RPGR: variants seen among roughly 807,000 people sequenced by gnomAD.
RPGR encodes the protein retinitis pigmentosa GTPase regulator.
A neutral mutation model predicts 56.3 loss-of-function variants in RPGR; 10 were observed. The observed-to-expected ratio is 0.18, with a 90% CI of 0.11 to 0.30. RPGR has a LOEUF of 0.30. Ranked by LOEUF, RPGR falls within the 10% of genes least tolerant of loss-of-function variation. RPGR has a pLI of 1.00. For missense variants in RPGR, 538 were observed against 590.9 expected (o/e 0.91, Z 0.93); for synonymous variants, 197 against 212.9 (o/e 0.93, Z 0.65).
chrX:38,294,858 C>T (rs1261514020), intron 11 of RPGR, among the ~76,000 whole-genome samples: 1 of 111,865 alleles, frequency 8.9e-6, no homozygotes, highest in Non-Finnish European at 1.9e-5. Context: ...TTTTCTCCAT[C>T]TCCACTGCAA....
intron 7 of RPGR, among the ~76,000 whole-genome samples, chrX:38,305,897 C>T (rs1303544431): frequency 1.8e-5 from 2 of 111,638 alleles, no homozygotes; most frequent in African/African-American, 6.5e-5. Flanking sequence ...ACAAGTAAAG[C>T]TTCTTCACTA....
intron 15 of RPGR, chrX:38,285,405 C>A: frequency 1.8e-6 from 2 of 1,102,758 alleles, no homozygotes; most frequent in South Asian, 4.5e-5. Flanking sequence ...AACACAGCTG[C>A]ATCAGTTGCT....
intron 9 of RPGR, among the ~76,000 whole-genome samples, 173 bp downstream of exon 9, chrX:38,301,074 A>G (rs955099032): frequency 4.5e-5 from 5 of 111,473 alleles, no homozygotes; most frequent in African/African-American, 1.6e-4. Flanking sequence ...GGAGCAACAC[A>G]TTTTCTGAAT....
At chrX:38,312,828 A>G (rs1338461276) in intron 6 of RPGR, among the ~76,000 whole-genome samples, 1 of 110,654 alleles carries the variant, frequency 9.0e-6, no homozygotes, top group Non-Finnish European at 1.9e-5. Context: ...TCTTTGTCCT[A>G]GCTACTCGGA....
Position 38,301,307 on chromosome X carries a change from A to T in RPGR, c.999T>A (p.Asn333Lys). The change falls in exon 9 of 19, where the codon AAT becomes AAA. Residue 333 changes from asparagine to lysine, a missense_variant. Physicochemically the swap from Asn to Lys is moderately conservative, Grantham distance 94. This residue lies in a region of RPGR where 181 missense variants were observed against 265.1 expected (regional missense o/e 0.68). Coordinates refer to ENST00000642395, the MANE Select transcript of RPGR (RefSeq NM_000328.3). ...AAGTAGGAATGAAGTGATTGGTAAA[A>T]TTCTCCAGTCCAAGTCCTAATTTTC... 8.3e-7 allele frequency: 1 copy of T among 1,204,559 alleles called. No homozygotes were observed. The highest frequency in any genetic ancestry group is 1.1e-6 in the Non-Finnish European group (1 of 888,976).
chrX:38,292,711 TTTG>T (rs1165788047), intron 11 of RPGR, among the ~76,000 whole-genome samples: 1 of 112,524 alleles, frequency 8.9e-6, no homozygotes, highest in Non-Finnish European at 1.9e-5. Flanking sequence ...CAATTGCAAT[TTTG>T]TTGTTTGCTG....
chrX:38,315,840 G>T (rs185863890), intron 6 of RPGR, among the ~76,000 whole-genome samples: 14,401 of 88,410 alleles, frequency 0.16, 1,108 homozygotes, highest in South Asian at 0.32. Context: ...TATATATATA[G>T]AGAGAGAGAG....
chrX:38,289,843 T>C (rs1348173820), intron 13 of RPGR, among the ~76,000 whole-genome samples: 1 of 112,195 alleles, frequency 8.9e-6, no homozygotes, highest in Non-Finnish European at 1.9e-5. Flanking sequence ...GAAGGCCCAG[T>C]TGCCAGAACT....
intron 18 of RPGR, among the ~76,000 whole-genome samples, chrX:38,270,930 C>T (rs2066833433): frequency 9.0e-6 from 1 of 111,370 alleles, no homozygotes; most frequent in African/African-American, 3.3e-5. Flanking sequence ...GCTCAGAAGT[C>T]AGGAGAGAAA....
At chrX:38,288,134 T>A in intron 13 of RPGR, 93 bp from the exon 14 acceptor site, 1 of 828,881 alleles carries the variant, frequency 1.2e-6, no homozygotes, top group African/African-American at 2.0e-5. Context: ...GATTTTACAT[T>A]TTTATAAGTT....
intron 7 of RPGR, among the ~76,000 whole-genome samples, chrX:38,307,483 T>C (rs1008232523): frequency 2.0e-4 from 22 of 112,641 alleles, no homozygotes; most frequent in African/African-American, 7.1e-4. Flanking sequence ...TATAGACTTT[T>C]GAAAAACAAG....
chrX:38,310,814 A>G lies in RPGR; in HGVS notation c.620-41T>C, dbSNP rs45486397. ...TATAGTGATTAGTGATGACATACAT[A>G]TGAACAAAAAGCTGGTCTTACCGTC... is the stretch of plus-strand genomic sequence containing the variant. On this transcript the variant is annotated intron_variant, in intron 6 of 18. Transcript: ENST00000642395. 0.014 allele frequency: 16,683 copies of G among 1,174,410 alleles called. 239 individuals carry two copies. Among genetic ancestry groups the G allele is most frequent in the African/African-American group, 0.097 (5,489 of 56,565 alleles).
intron 17 of RPGR, chrX:38,275,024 T>A: frequency 1.1e-6 from 1 of 905,836 alleles, no homozygotes; most frequent in Non-Finnish European, 1.6e-6. Flanking sequence ...AATTATGGCA[T>A]ACATACACAT....
At chrX:38,285,445 C>T in intron 15 of RPGR, 2 of 1,173,116 alleles carry the variant, frequency 1.7e-6, no homozygotes, top group Non-Finnish European at 2.3e-6. Context: ...AAATAATTGA[C>T]ATAAAATCAA....
rs1424921050 is a variant in RPGR, at chrX:38,269,826, G to C, written c.2248C>G (p.Leu750Val). 1 of 1,185,654 alleles carries C rather than the reference G, an allele frequency of 8.4e-7. No homozygotes were observed. The highest frequency in any genetic ancestry group is 1.1e-6 in the Non-Finnish European group (1 of 875,689). The change falls in exon 19 of 19, where the codon CTG (leucine) becomes GTG (valine). Residue 750 changes from leucine (L) to valine (V), a missense_variant. Leu to Val is a conservative substitution (Grantham distance 32). Around this residue, in one of 2 missense-constraint regions of RPGR, gnomAD observed 357 missense variants for 325.8 expected, o/e 1.10. Coordinates refer to ENST00000642395, the MANE Select transcript of RPGR (RefSeq NM_000328.3). ...TTTATTGAGGGGACTCTTTTGAACAGAAAAATCTAGGAAAAAAACCACACA... is the reference window on the plus strand; with the variant it reads ...TTTATTGAGGGGACTCTTTTGAACACAAAAATCTAGGAAAAAAACCACACA...
intron 7 of RPGR, 94 bp downstream of exon 7, chrX:38,310,521 C>T: frequency 1.3e-6 from 1 of 798,381 alleles, no homozygotes; most frequent in Non-Finnish European, 1.8e-6. Context: ...ATTCTTACCA[C>T]AATAAAAAAA....
Position 38,286,270 on chromosome X carries a change from C to T in RPGR, c.1905+824G>A, listed in dbSNP as rs749762268. ...TTCTCCTTCCTCCTCTTCTCCCTCC[C>T]CTTCTCCTTCCTCTTCTCCCTCCCC... On this transcript the variant is annotated intron_variant, in intron 15 of 18. Coordinates refer to ENST00000642395, the MANE Select transcript of RPGR (RefSeq NM_000328.3). 68 of 714,610 alleles carry T rather than the reference C, an allele frequency of 9.5e-5. No individual in the cohort carries two copies. In the East Asian group the frequency reaches 6.5e-3, roughly 69 times the overall value. 58.9% of individuals were successfully genotyped at this position (714,610 alleles called of 1,213,427 possible).
chrX:38,313,063 T>C (rs2067752098), intron 6 of RPGR, among the ~76,000 whole-genome samples: 1 of 111,350 alleles, frequency 9.0e-6, no homozygotes, highest in South Asian at 3.8e-4. Context: ...TGCAATAATC[T>C]CCAAATACAT....
chrX:38,327,388 C>A lies in RPGR; in HGVS notation c.-21G>T. On this transcript the variant is annotated 5_prime_UTR_variant, in exon 1 of 19. Transcript: ENST00000642395. ...CTCATGCCACGGGCAGTACGGGCAGCCTGCGCCGGGGCCAGGAGGCTGTAG... is the reference window on the plus strand; with the variant it reads ...CTCATGCCACGGGCAGTACGGGCAGACTGCGCCGGGGCCAGGAGGCTGTAG... The A allele has an allele frequency of 8.5e-7, 1 of 1,178,878 alleles. No homozygotes were observed. Among genetic ancestry groups the A allele is most frequent in the Non-Finnish European group, 1.1e-6 (1 of 879,160 alleles).
Sources: allele counts gnomAD v4.1 joint callset (sites outside exome capture counted in the v4.1 genomes callset), GRCh38; gene constraint gnomAD v4.1.1; regional missense constraint gnomAD v4.1.1; transcripts MANE v1.5; gene names NCBI Gene and HGNC (gene_info 2026-07-23, HGNC 2026-07-21).